Variants in SYNJ1 observed in about 807,000 individuals in gnomAD.
SYNJ1 encodes synaptojanin 1, also known as polyphosphatidylinositol phosphatase SYNJ1.
In SYNJ1, 78 loss-of-function variants were observed where a neutral mutation model predicts 168.2. The ratio of observed to expected loss-of-function variants is 0.46; its 90% CI spans 0.39 to 0.56. The LOEUF (loss-of-function observed/expected upper bound fraction) is 0.56. SYNJ1 is among the 20% of genes least tolerant of loss of function. SYNJ1 has a pLI of 0.00. For synonymous variants in SYNJ1, 539 were observed against 548.6 expected, an observed-to-expected ratio of 0.98 and a Z score of 0.24; for missense variants, 1,303 against 1,597.6, an observed-to-expected ratio of 0.82 and a Z score of 3.14.
chr21:32,655,301 T>C (rs961862528), intron 21 of SYNJ1, among the ~76,000 whole-genome samples: 2 of 152,226 alleles, frequency 1.3e-5, no homozygotes, highest in African/African-American at 4.8e-5. Flanking sequence ...CTTCTGGTGG[T>C]TTGGCATTTC....
At chr21:32,642,072 T>C (rs747343744) in intron 28 of SYNJ1, 23 bp downstream of exon 28, 99 of 1,613,986 alleles carry the variant, frequency 6.1e-5, no homozygotes, top group Non-Finnish European at 8.3e-5. Flanking sequence ...TAAGGGTGAA[T>C]AGCTACATTC....
intron 4 of SYNJ1, among the ~76,000 whole-genome samples, chr21:32,697,919 T>C (rs1479962883): frequency 1.3e-5 from 2 of 152,200 alleles, no homozygotes; most frequent in African/African-American, 2.4e-5. Flanking sequence ...CTAAGAAACT[T>C]TGGGTAAAAA....
At chr21:32,639,354 TTCTAATATAGTA>T (rs2039724930) in intron 30 of SYNJ1, among the ~76,000 whole-genome samples, 1 of 152,202 alleles carries the variant, frequency 6.6e-6, no homozygotes, top group East Asian at 1.9e-4. Context: ...AGTACAGTAT[TTCTAATATAGTA>T]TCTACCTTTC....
intron 23 of SYNJ1, among the ~76,000 whole-genome samples, chr21:32,649,787 T>C (rs1417413656): frequency 6.6e-6 from 1 of 152,254 alleles, no homozygotes; most frequent in Non-Finnish European, 1.5e-5. Context: ...CCTCGCTCTG[T>C]TGCCCAGGCT....
intron 2 of SYNJ1, among the ~76,000 whole-genome samples, chr21:32,712,116 C>T (rs2042851284): frequency 6.6e-6 from 1 of 152,148 alleles, no homozygotes; most frequent in Non-Finnish European, 1.5e-5. Flanking sequence ...CTGTTCTTCC[C>T]CAGCTGATAC....
At chr21:32,661,959 C>T (rs1358749041) in intron 18 of SYNJ1, among the ~76,000 whole-genome samples, 1 of 152,210 alleles carries the variant, frequency 6.6e-6, no homozygotes, top group Non-Finnish European at 1.5e-5. Flanking sequence ...CACCCTTTCT[C>T]TCCAAGTGAT....
At chr21:32,695,015 C>T (rs1049336162) in intron 5 of SYNJ1, 42 bp downstream of exon 5, 2 of 1,528,814 alleles carry the variant, frequency 1.3e-6, no homozygotes, top group Non-Finnish European at 1.8e-6. Flanking sequence ...CTGTGCTTCT[C>T]CTATAATAAA....
chr21:32,658,384 G>A (rs528525574), intron 18 of SYNJ1: 2 of 152,472 alleles, frequency 1.3e-5, no homozygotes, highest in Admixed American at 1.3e-4. Context: ...GATTTCAGGG[G>A]AAGATTATCT....
chr21:32,725,151 T>C (rs1348593602), intron 2 of SYNJ1, among the ~76,000 whole-genome samples: 1 of 152,188 alleles, frequency 6.6e-6, no homozygotes, highest in African/African-American at 2.4e-5. Flanking sequence ...TAGCTGAACA[T>C]TTGACTTGCT....
intron 13 of SYNJ1, 76 bp from the exon 14 acceptor site, chr21:32,673,607 C>T (rs772726031): frequency 2.4e-5 from 31 of 1,281,188 alleles, no homozygotes; most frequent in African/African-American, 7.6e-5. Flanking sequence ...AACTGAGATA[C>T]GATGTCCGCT....
Position 32,645,807 on chromosome 21 carries a change from G to C in SYNJ1, c.3248-18C>G. ...AGGAGAACCTAAAAAGCGCACAGGAGGTAAGAAGATCAGCTTCTAAGTAGC... is the reference window on the plus strand; with the variant it reads ...AGGAGAACCTAAAAAGCGCACAGGACGTAAGAAGATCAGCTTCTAAGTAGC... On this transcript the variant is annotated intron_variant, in intron 24 of 32. Coordinates refer to ENST00000674351, the MANE Select transcript of SYNJ1 (RefSeq NM_203446.3). 2.0e-6 allele frequency: 3 copies of C among 1,499,210 alleles called. No homozygotes were observed. The highest frequency in any genetic ancestry group is 2.7e-6 in the Non-Finnish European group (3 of 1,121,010). The allele number at this position is 1,499,210 out of a possible 1,614,324, so 92.9% of individuals were successfully genotyped here. A position where few individuals can be genotyped will look rare whatever the true frequency, so the allele number is the denominator to read the frequency against.
Position 32,702,130 on chromosome 21 carries a change from CAA to C in SYNJ1, c.125-85_125-84del, listed in dbSNP as rs1379416374. The C allele has an allele frequency of 5.1e-6, 5 of 984,618 alleles. No homozygotes were observed. In the African/African-American group the frequency reaches 6.5e-5, roughly 13 times the overall value. The allele number at this position is 984,618 out of a possible 1,614,324, so 61.0% of individuals were successfully genotyped here. A position where few individuals can be genotyped will look rare whatever the true frequency, so the allele number is the denominator to read the frequency against. Reference sequence around the variant, plus strand: ...CTAAGTATAAATCCAGAGTTTCAATCAAAAGTTTCTAAATCTGATATTCTTAA... The same window carrying C: ...CTAAGTATAAATCCAGAGTTTCAATCAAGTTTCTAAATCTGATATTCTTAA... On this transcript the variant is annotated intron_variant, in intron 2 of 32. Coordinates refer to ENST00000674351, the MANE Select transcript of SYNJ1 (RefSeq NM_203446.3).
At chr21:32,684,177 G>A in intron 9 of SYNJ1, 58 bp from the exon 10 acceptor site, 2 of 1,498,678 alleles carry the variant, frequency 1.3e-6, no homozygotes, top group East Asian at 2.3e-5. Context: ...AAAACAAACA[G>A]TGAATAATTG....
chr21:32,711,486 C>A (rs941162825), intron 2 of SYNJ1, among the ~76,000 whole-genome samples: 4 of 152,090 alleles, frequency 2.6e-5, no homozygotes, highest in Non-Finnish European at 5.9e-5. Context: ...GCGCGCGCCA[C>A]CATGCCCAGC....
At chr21:32,636,125 A>G (rs560254259) in intron 31 of SYNJ1, among the ~76,000 whole-genome samples, 1 of 152,306 alleles carries the variant, frequency 6.6e-6, no homozygotes, top group African/African-American at 2.4e-5. Flanking sequence ...ACTGAGAGGT[A>G]CAAGGTTGCT....
At chr21:32,645,971 C>T in intron 24 of SYNJ1, 182 bp from the exon 25 acceptor site, 2 of 941,862 alleles carry the variant, frequency 2.1e-6, no homozygotes, top group Non-Finnish European at 3.4e-6. Flanking sequence ...GGTACCATGG[C>T]AGCAATAATG....
rs111515764 is a variant in SYNJ1 at position 32,665,124 on chromosome 21, G to A, written c.2146-53C>T. The A allele has an allele frequency of 3.9e-5, 59 of 1,521,554 alleles. 3 individuals carry two copies. In the African/African-American group the frequency reaches 4.4e-4, roughly 11 times the overall value. The allele number at this position is 1,521,554 out of a possible 1,614,324, so 94.3% of individuals were successfully genotyped here. A position where few individuals can be genotyped will look rare whatever the true frequency, so the allele number is the denominator to read the frequency against. Reference sequence around the variant, plus strand: ...TTCAAAACAATCAATGTTCAAAAATGTTTTACAACTATTTCTTTGCCTGAG... The same window carrying A: ...TTCAAAACAATCAATGTTCAAAAATATTTTACAACTATTTCTTTGCCTGAG... On this transcript the variant is annotated intron_variant, in intron 17 of 32. Coordinates refer to ENST00000674351, the MANE Select transcript of SYNJ1 (RefSeq NM_203446.3).
intron 6 of SYNJ1, among the ~76,000 whole-genome samples, chr21:32,691,312 C>G (rs1259419907): frequency 6.6e-6 from 1 of 152,224 alleles, no homozygotes; most frequent in Non-Finnish European, 1.5e-5. Context: ...TTTGCTCCTG[C>G]TCCCACCATG....
rs757748411 is a variant in SYNJ1, at chr21:32,638,947, T to A, written c.3876A>T (p.Ser1292=). 2 of 1,613,638 alleles carry A rather than the reference T, an allele frequency of 1.2e-6. No homozygotes were observed. Among genetic ancestry groups the A allele is most frequent in the Non-Finnish European group, 1.7e-6 (2 of 1,179,660 alleles). Residue 1292 remains serine, a synonymous_variant, in exon 31 of 33, where the codon TCA becomes TCT. Transcript: ENST00000674351. ...AAGCTTCTGAAGGCAAGCTATGGGA[T>A]GACCTGCTTCGAGGTGGTGGTTGTG... The part of the protein sequence containing the change: ...TPPQPPPRSR[S]SHSLPSEASS...
Sources: gnomAD v4.1 joint callset for allele counts (sites outside exome capture counted in the v4.1 genomes callset) on GRCh38, gnomAD v4.1.1 for gene constraint, MANE v1.5 for transcripts, NCBI Gene and HGNC (gene_info 2026-07-23, HGNC 2026-07-21) for gene names.